DAB1: variants seen among roughly 807,000 people sequenced by gnomAD.
DAB1 encodes disabled homolog 1.
Under a neutral mutation model 64.6 loss-of-function variants are expected in DAB1, and 15 were observed. The observed-to-expected ratio is 0.23, with a 90% confidence interval of 0.16 to 0.36. The LOEUF is 0.36. DAB1 is among the 10% of genes least tolerant of loss of function. The probability of loss-of-function intolerance (pLI) is 1.00; values close to 1 mark genes in which losing one functional copy is unlikely to be tolerated. For synonymous variants in DAB1, 235 were observed against 251.9 expected (o/e 0.93, Z 0.64); for missense variants, 596 against 706.7 (o/e 0.84, Z 1.78).
At chr1:57,603,297 G>A (rs1645597481) in intron 7 of DAB1, among the ~76,000 whole-genome samples, 1 of 152,188 alleles carries the variant, frequency 6.6e-6, no homozygotes, top group Non-Finnish European at 1.5e-5. Context: ...CACAGTGCCT[G>A]TCAGTAAGGG....
chr1:58,222,156 T>C (rs1659205810), intron 4 of DAB1, among the ~76,000 whole-genome samples: 1 of 152,184 alleles, frequency 6.6e-6, no homozygotes, highest in African/African-American at 2.4e-5. Flanking sequence ...AACTTAACTT[T>C]AGGGAAGAGT....
chr1:57,960,747 T>C (rs1645500119), intron 5 of DAB1, among the ~76,000 whole-genome samples: 1 of 152,244 alleles, frequency 6.6e-6, no homozygotes, highest in East Asian at 1.9e-4. Context: ...TGCCTCTCAG[T>C]ATGTGGAGCA....
chr1:57,719,902 T>A (rs1282169363), intron 6 of DAB1, among the ~76,000 whole-genome samples: 1 of 152,218 alleles, frequency 6.6e-6, no homozygotes, highest in Non-Finnish European at 1.5e-5. Context: ...TTTCCATATA[T>A]CTGAAAGTAT....
At chr1:57,061,265 G>A (rs1480546783) in intron 9 of DAB1, among the ~76,000 whole-genome samples, 2 of 151,592 alleles carry the variant, frequency 1.3e-5, no homozygotes. Context: ...TGGAAGAGTG[G>A]GTTATAGAAA....
At chr1:57,609,614 G>C (rs934168755) in intron 7 of DAB1, among the ~76,000 whole-genome samples, 4 of 152,210 alleles carry the variant, frequency 2.6e-5, no homozygotes, top group South Asian at 2.1e-4. Context: ...AATGGATCCC[G>C]GTTTCCTCAT....
intron 5 of DAB1, among the ~76,000 whole-genome samples, chr1:58,118,932 C>T (rs947317766): frequency 6.6e-6 from 1 of 151,724 alleles, no homozygotes. Context: ...ATGTTCCATC[C>T]AGTAAGCTAG....
intron 7 of DAB1, among the ~76,000 whole-genome samples, chr1:57,436,285 G>A (rs1269078746): frequency 3.3e-5 from 5 of 152,164 alleles, no homozygotes; most frequent in African/African-American, 9.7e-5. Flanking sequence ...CCACAGACAT[G>A]TGAGTATGCA....
intron 3 of DAB1, among the ~76,000 whole-genome samples, chr1:58,456,325 CAG>C (rs1645192703): frequency 6.6e-6 from 1 of 151,930 alleles, no homozygotes; most frequent in Non-Finnish European, 1.5e-5. Flanking sequence ...TGTCTGGCTA[CAG>C]AGTCTACATT....
At chr1:57,640,559 C>T (rs1430929922) in intron 7 of DAB1, among the ~76,000 whole-genome samples, 1 of 152,120 alleles carries the variant, frequency 6.6e-6, no homozygotes, top group East Asian at 1.9e-4. Context: ...AAAGCAGGGC[C>T]TCTATCCACT....
chr1:57,939,442 C>A (rs1033789960), intron 5 of DAB1, among the ~76,000 whole-genome samples: 4 of 152,204 alleles, frequency 2.6e-5, no homozygotes, highest in African/African-American at 4.8e-5. Flanking sequence ...ACTCAGCTTA[C>A]CTCAACCACG....
intron 2 of DAB1, among the ~76,000 whole-genome samples, chr1:57,167,219 A>G (rs946261591): frequency 6.6e-6 from 1 of 152,234 alleles, no homozygotes; most frequent in Admixed American, 6.5e-5. Flanking sequence ...CATAATCATT[A>G]CAAACGAGAC....
intron 7 of DAB1, among the ~76,000 whole-genome samples, chr1:57,610,879 C>T (rs1414957671): frequency 1.3e-5 from 2 of 152,166 alleles, no homozygotes; most frequent in Non-Finnish European, 2.9e-5. Context: ...CAAACCATAT[C>T]AGTCTTGCAT....
chr1:58,277,532 TG>T (rs1661478727), intron 4 of DAB1, among the ~76,000 whole-genome samples: 1 of 152,156 alleles, frequency 6.6e-6, no homozygotes, highest in African/African-American at 2.4e-5. Flanking sequence ...CACACAGAGC[TG>T]GCAAGGTCAT....
At chr1:57,437,772 A>G (rs1050254631) in intron 7 of DAB1, among the ~76,000 whole-genome samples, 8 of 152,186 alleles carry the variant, frequency 5.3e-5, no homozygotes, top group Non-Finnish European at 1.0e-4. Flanking sequence ...ATATATTTTC[A>G]TTTTGGAACC....
At chr1:58,039,445 C>T (rs1647099842) in intron 5 of DAB1, among the ~76,000 whole-genome samples, 1 of 152,226 alleles carries the variant, frequency 6.6e-6, no homozygotes, top group African/African-American at 2.4e-5. Context: ...GTGTGCACCC[C>T]CACAAGGCAT....
Position 57,728,390 on chromosome 1 carries a change from G to A in DAB1, n.552-78725C>T, listed in dbSNP as rs554684675. Reference sequence around the variant, plus strand: ...AGGCAGATCATGAGGTCAGGAGATCGAGACCATCCTGGCTAACACGGTGAA... The same window carrying A: ...AGGCAGATCATGAGGTCAGGAGATCAAGACCATCCTGGCTAACACGGTGAA... On this transcript the variant is annotated intron_variant and non_coding_transcript_variant, in intron 6 of 20. Coordinates refer to the DAB1 transcript ENST00000485760. Among the ~76,000 whole-genome samples, 1,515 of 152,160 alleles carry A rather than the reference G, an allele frequency of 1.0e-2. 25 individuals carry two copies. Among genetic ancestry groups the A allele is most frequent in the African/African-American group, 0.034 (1,409 of 41,520 alleles).
intron 3 of DAB1, among the ~76,000 whole-genome samples, chr1:58,406,224 T>TC (rs1206839683): frequency 3.9e-5 from 6 of 152,078 alleles, no homozygotes; most frequent in African/African-American, 1.4e-4. Flanking sequence ...CTTTCTCAGC[T>TC]CCCCACTCTG....
chr1:58,308,788 C>G (rs957744909), intron 4 of DAB1, among the ~76,000 whole-genome samples: 1 of 152,150 alleles, frequency 6.6e-6, no homozygotes, highest in South Asian at 2.1e-4. Flanking sequence ...GTTCCTTACC[C>G]GGTAAAAAAC....
In DAB1 at chr1:57,011,151, T is replaced by C; in HGVS notation, c.1566A>G (p.Gln522=). The change falls in exon 13 of 15, where the codon CAA becomes CAG. Residue 522 remains glutamine (Q), a synonymous_variant. Coordinates refer to ENST00000371236, the MANE Select transcript of DAB1 (RefSeq NM_001365792.1). The part of the protein sequence containing the change: ...GFESPSKSEE[Q]EAPDGSQASS... ...TAACAAACTGGTCACTTACAGCTTC[T>C]TGCTCTTCGCTTTTGCTGGGACTTT... 1 of 1,614,066 alleles carries C rather than the reference T, an allele frequency of 6.2e-7. No homozygotes were observed. The highest frequency in any genetic ancestry group is 8.5e-7 in the Non-Finnish European group (1 of 1,179,892).
Sources: gnomAD v4.1 joint callset for allele counts (sites outside exome capture counted in the v4.1 genomes callset) on GRCh38, gnomAD v4.1.1 for gene constraint, MANE v1.5 for transcripts, NCBI Gene and HGNC (gene_info 2026-07-23, HGNC 2026-07-21) for gene names.